The following ERC1 variants were observed in gnomAD, a reference collection of about 807,000 sequenced individuals.
ERC1 encodes RAB6 interacting protein 2.
A neutral mutation model predicts 132.0 loss-of-function variants in ERC1; 56 were observed. The ratio of observed to expected loss-of-function variants is 0.42; its 90% CI spans 0.34 to 0.53. ERC1 has a LOEUF of 0.53. ERC1 is among the 20% of genes least tolerant of loss of function. The probability of loss-of-function intolerance (pLI) is 0.03; values close to 1 mark genes in which losing one functional copy is unlikely to be tolerated. For synonymous variants in ERC1, 478 were observed against 476.1 expected (o/e 1.00, Z -0.05); for missense variants, 1,202 against 1,349.9 (o/e 0.89, Z 1.72).
chr12:1,262,981 C>T, intron 13 of ERC1, 53 bp from the exon 14 acceptor site: 1 of 1,591,508 alleles, frequency 6.3e-7, no homozygotes, highest in Non-Finnish European at 8.6e-7. Context: ...TAAATAGGCT[C>T]TCCCTGGGTT....
intron 15 of ERC1, among the ~76,000 whole-genome samples, chr12:1,356,742 A>G (rs977955561): frequency 4.6e-5 from 7 of 152,216 alleles, no homozygotes; most frequent in African/African-American, 1.7e-4. Context: ...AGGATGCAGA[A>G]AAGATGGGAC....
intron 2 of ERC1, among the ~76,000 whole-genome samples, chr12:1,068,774 AT>A (rs200468411): frequency 1.3e-5 from 2 of 151,986 alleles, no homozygotes; most frequent in East Asian, 1.9e-4. Flanking sequence ...TAGCAGACTA[AT>A]TTTTTTTCAA....
intron 1 of ERC1, among the ~76,000 whole-genome samples, chr12:1,021,459 A>G (rs1047465921): frequency 2.0e-5 from 3 of 151,616 alleles, no homozygotes; most frequent in African/African-American, 7.3e-5. Context: ...CTGTAATCCC[A>G]GCACTTTGGG....
intron 7 of ERC1, among the ~76,000 whole-genome samples, chr12:1,117,888 A>G (rs931517691): frequency 6.6e-6 from 1 of 152,204 alleles, no homozygotes; most frequent in Non-Finnish European, 1.5e-5. Flanking sequence ...AATCATCTAG[A>G]TAATGTTACC....
chr12:1,258,896 A>G (rs2076971109), intron 13 of ERC1, among the ~76,000 whole-genome samples: 1 of 152,154 alleles, frequency 6.6e-6, no homozygotes, highest in Non-Finnish European at 1.5e-5. Flanking sequence ...TTTTCTGATC[A>G]TGAGCACTGC....
intron 12 of ERC1, among the ~76,000 whole-genome samples, chr12:1,223,972 A>G (rs2074360402): frequency 6.6e-6 from 1 of 152,184 alleles, no homozygotes; most frequent in South Asian, 2.1e-4. Context: ...GATTCAAATC[A>G]AACTAGATGT....
intron 7 of ERC1, among the ~76,000 whole-genome samples, chr12:1,138,176 TAA>T (rs1325231605): frequency 8.5e-6 from 1 of 117,390 alleles, no homozygotes. Flanking sequence ...TAATTGTATA[TAA>T]TATATATCAT....
intron 8 of ERC1, among the ~76,000 whole-genome samples, chr12:1,162,760 C>T (rs998780474): frequency 2.6e-5 from 4 of 151,632 alleles, no homozygotes; most frequent in African/African-American, 4.8e-5. Flanking sequence ...GGATCAATTC[C>T]TGTATTTTCT....
intron 12 of ERC1, among the ~76,000 whole-genome samples, chr12:1,192,602 G>C (rs1219548156): frequency 1.3e-5 from 2 of 152,164 alleles, no homozygotes; most frequent in African/African-American, 2.4e-5. Flanking sequence ...GGCCATGGCT[G>C]TTTCTCAGAA....
chr12:1,358,562 A>G (rs1244216704), intron 15 of ERC1, among the ~76,000 whole-genome samples: 1 of 152,186 alleles, frequency 6.6e-6, no homozygotes, highest in Non-Finnish European at 1.5e-5. Flanking sequence ...ATAGATGTCC[A>G]TTCCAGAAAC....
chr12:1,219,151 G>T (rs1212841263), intron 12 of ERC1, among the ~76,000 whole-genome samples: 1 of 152,100 alleles, frequency 6.6e-6, no homozygotes, highest in Non-Finnish European at 1.5e-5. Flanking sequence ...GGAATTACAG[G>T]CATGAGCCAC....
chr12:1,028,240 A>G lies in ERC1; in HGVS notation c.337A>G (p.Ile113Val). The G allele has an allele frequency of 1.2e-6, 2 of 1,614,122 alleles. No homozygotes were observed. The highest frequency in any genetic ancestry group is 1.1e-5 in the South Asian group (1 of 91,078). Residue 113 changes from isoleucine to valine, a missense_variant, in exon 2 of 19, where the codon ATA (isoleucine) becomes GTA (valine). Physicochemically the swap from Ile to Val is conservative, Grantham distance 29. Coordinates refer to ENST00000360905, the MANE Select transcript of ERC1 (RefSeq NM_178040.4). ...RMTAMGSSPN[I>V]ASSGVASDTI... Reference sequence around the variant, plus strand: ...GACTGCTATGGGTAGTAGCCCCAATATAGCTAGCAGTGGGGTTGCTAGTGA... The same window carrying G: ...GACTGCTATGGGTAGTAGCCCCAATGTAGCTAGCAGTGGGGTTGCTAGTGA...
intron 8 of ERC1, among the ~76,000 whole-genome samples, chr12:1,178,337 A>C (rs995320263): frequency 3.3e-5 from 5 of 152,134 alleles, no homozygotes; most frequent in African/African-American, 1.2e-4. Flanking sequence ...CTTATATTTT[A>C]TTCATTTATT....
intron 13 of ERC1, among the ~76,000 whole-genome samples, chr12:1,247,249 C>T (rs532015474): frequency 2.0e-5 from 3 of 151,848 alleles, no homozygotes; most frequent in East Asian, 1.9e-4. Flanking sequence ...AAAAAAAATC[C>T]GGAAAGAAAG....
At chr12:990,723 G>A (rs1487358130), upstream of ERC1, 1 of 152,230 alleles carries the variant, frequency 6.6e-6, no homozygotes, top group African/African-American at 2.4e-5. Flanking sequence ...AGCAGCCAGG[G>A]TCGATCCCGG....
rs941169501 is a variant in ERC1 at position 1,490,513 on chromosome 12, T to G, written c.*283T>G. Reference sequence around the variant, plus strand: ...CCTGGTCATCAGCAGTGGAGAACTGTGGGAGCTGGTGGCTCTGCCCTGACA... The same window carrying G: ...CCTGGTCATCAGCAGTGGAGAACTGGGGGAGCTGGTGGCTCTGCCCTGACA... On this transcript the variant is annotated 3_prime_UTR_variant, in exon 19 of 19. Coordinates refer to ENST00000360905, the MANE Select transcript of ERC1 (RefSeq NM_178040.4). The G allele has an allele frequency of 1.9e-5, 7 of 375,268 alleles. No homozygotes were observed. The highest frequency in any genetic ancestry group is 1.4e-4 in the African/African-American group (7 of 50,914). 23.2% of individuals were successfully genotyped at this position (375,268 alleles called of 1,614,324 possible).
rs774953916 is a variant in ERC1, at chr12:1,478,532, G to A, written c.3214-11561G>A. 5.9e-5 allele frequency among the ~76,000 whole-genome samples: 9 copies of A among 152,320 alleles called. 1 individual carries two copies. In the South Asian group the frequency reaches 1.4e-3, roughly 25 times the overall value. ...AATCCGGCCGGGCGCGGTGGCTCAC[G>A]CCTGTAATCCCAGCACTTTGGGAGG... On this transcript the variant is annotated intron_variant, in intron 18 of 18. Transcript: ENST00000360905.
At chr12:1,195,351 C>A (rs1956121917) in intron 12 of ERC1, among the ~76,000 whole-genome samples, 1 of 152,136 alleles carries the variant, frequency 6.6e-6, no homozygotes, top group African/African-American at 2.4e-5. Context: ...CAGTTTCTCC[C>A]TTTTGCCTTA....
intron 17 of ERC1, among the ~76,000 whole-genome samples, chr12:1,414,582 GCC>G (rs2092018129): frequency 2.0e-5 from 3 of 151,996 alleles, no homozygotes; most frequent in Non-Finnish European, 2.9e-5. Flanking sequence ...CTTAGTCTCC[GCC>G]CAACAGGGAG....
Sources: allele counts gnomAD v4.1 joint callset (sites outside exome capture counted in the v4.1 genomes callset), GRCh38; gene constraint gnomAD v4.1.1; transcripts MANE v1.5; gene names NCBI Gene and HGNC (gene_info 2026-07-23, HGNC 2026-07-21).